AMBRA1: variants seen among roughly 807,000 people sequenced by gnomAD.
AMBRA1 encodes autophagy and beclin 1 regulator 1.
Under a neutral mutation model 125.4 loss-of-function variants are expected in AMBRA1, and 47 were observed. That is an observed-to-expected ratio of 0.37 (90% CI 0.30 to 0.48). The LOEUF (loss-of-function observed/expected upper bound fraction) is 0.48, where lower values mean the gene tolerates loss of function less well. AMBRA1 is among the 20% of genes least tolerant of loss of function. The pLI is 0.99. For synonymous variants in AMBRA1, 626 were observed against 655.5 expected, an observed-to-expected ratio of 0.95 and a Z score of 0.69; for missense variants, 1,331 against 1,693.4, an observed-to-expected ratio of 0.79 and a Z score of 3.76.
chr11:46,557,835 G>C (rs2043204165), intron 1 of AMBRA1, among the ~76,000 whole-genome samples: 1 of 152,120 alleles, frequency 6.6e-6, no homozygotes, highest in Admixed American at 6.5e-5. Flanking sequence ...AGCCCGGCAT[G>C]GTGATGCATG....
rs1414992911 is a variant in AMBRA1 at position 46,543,987 on chromosome 11, G to C, written c.606C>G (p.Pro202=). 6.2e-7 allele frequency: 1 copy of C among 1,613,730 alleles called. No individual in the cohort carries two copies. The highest frequency in any genetic ancestry group is 8.5e-7 in the Non-Finnish European group (1 of 1,179,818). ...GHYLLTAIVN[P]SNQQGDDEPE... The stretch of plus-strand genomic sequence containing the variant: ...TGGACTAACTTACCTGTTGATTAGA[G>C]GGGTTAACAATTGCTGTGAGTAAGT... The change falls in exon 6 of 18, where the codon CCC becomes CCG. Residue 202 remains proline, a synonymous_variant. Transcript: ENST00000683756.
intron 1 of AMBRA1, among the ~76,000 whole-genome samples, chr11:46,566,536 A>T (rs1214118240): frequency 6.6e-6 from 1 of 152,200 alleles, no homozygotes; most frequent in African/African-American, 2.4e-5. Context: ...CCATTTATAC[A>T]ACATTCTTAA....
rs185196222 is a variant in AMBRA1 at position 46,427,602 on chromosome 11, G to A, written c.2976+5872C>T. On this transcript the variant is annotated intron_variant, in intron 14 of 17. Transcript: ENST00000683756. ...TTTCTGACTCAGCAGATCTTAAGTG[G>A]GGCTGAGAATCTGCATTTCTAATAA... Among the ~76,000 whole-genome samples the A allele has an allele frequency of 1.5e-4, 23 of 152,318 alleles. No individual in the cohort carries two copies. The East Asian group carries it at 4.1e-3, about 27-fold the overall frequency.
intron 11 of AMBRA1, among the ~76,000 whole-genome samples, chr11:46,452,336 TTTGTTGTTG>T (rs759932665): frequency 3.9e-5 from 6 of 151,946 alleles, no homozygotes; most frequent in Non-Finnish European, 8.8e-5. Flanking sequence ...TTTAAGGTTT[TTTGTTGTTG>T]TTGTTGTTGT....
chr11:46,581,996 G>A (rs1041169540), intron 1 of AMBRA1, among the ~76,000 whole-genome samples: 8 of 151,174 alleles, frequency 5.3e-5, no homozygotes, highest in African/African-American at 7.3e-5. Context: ...GGTGCCTGTA[G>A]TCCCAGCTAC....
chr11:46,434,813 T>C, intron 13 of AMBRA1, 36 bp downstream of exon 13: 2 of 1,542,582 alleles, frequency 1.3e-6, no homozygotes, highest in Non-Finnish European at 1.7e-6. Flanking sequence ...GGCACCAGCG[T>C]CCCTCTGTCA....
At chr11:46,543,484 A>G in intron 6 of AMBRA1, 86 bp from the exon 7 acceptor site, 1 of 1,518,330 alleles carries the variant, frequency 6.6e-7, no homozygotes, top group South Asian at 1.2e-5. Flanking sequence ...CTAACCACTG[A>G]CAATCATCCA....
chr11:46,587,911 G>T (rs1468465851), intron 1 of AMBRA1, among the ~76,000 whole-genome samples: 1 of 151,940 alleles, frequency 6.6e-6, no homozygotes, highest in African/African-American at 2.4e-5. Context: ...ACGTCTGATG[G>T]GAATATTTCT....
At chr11:46,497,118 A>T (rs965219135) in intron 9 of AMBRA1, among the ~76,000 whole-genome samples, 3 of 151,910 alleles carry the variant, frequency 2.0e-5, no homozygotes, top group African/African-American at 4.8e-5. Context: ...CTCAAAAATA[A>T]ATAAATAAAT....
At chr11:46,412,627 A>G (rs558395470) in intron 15 of AMBRA1, among the ~76,000 whole-genome samples, 2 of 152,080 alleles carry the variant, frequency 1.3e-5, no homozygotes, top group South Asian at 2.1e-4. Flanking sequence ...TTTTTTCCCC[A>G]AAATGTTTTT....
At chr11:46,500,817 C>T (rs1295026761) in intron 9 of AMBRA1, among the ~76,000 whole-genome samples, 3 of 152,200 alleles carry the variant, frequency 2.0e-5, no homozygotes, top group Admixed American at 1.3e-4. Flanking sequence ...ATCCATGAAG[C>T]TTTCTCACCT....
In AMBRA1 at chr11:46,542,517, C is replaced by G; in HGVS notation, c.1500G>C (p.Gln500His). 1 of 1,613,470 alleles carries G rather than the reference C, an allele frequency of 6.2e-7. No homozygotes were observed. The highest frequency in any genetic ancestry group is 8.5e-7 in the Non-Finnish European group (1 of 1,180,046). ...NNSGSIRHEL[Q>H]CDLRRFFLEY... The stretch of plus-strand genomic sequence containing the variant: ...CCAGAAAGAAGCGTCTCAGGTCACA[C>G]TGAAGCTCATGGCGAATGCTGCCCG... The change falls in exon 7 of 18, where the codon CAG becomes CAC. Residue 500 changes from glutamine (Q) to histidine (H), a missense_variant. Coordinates refer to ENST00000683756, the MANE Select transcript of AMBRA1 (RefSeq NM_001387011.1). The surrounding 1 kb of genome is among the most constrained non-coding windows in gnomAD (Gnocchi z 5.9).
intron 1 of AMBRA1, among the ~76,000 whole-genome samples, chr11:46,573,421 A>C (rs12290779): frequency 0.075 from 11,401 of 151,946 alleles, 557 homozygotes; most frequent in African/African-American, 0.13. Context: ...CAAAACAAAA[A>C]AAAAAAAACT....
chr11:46,593,501 G>A (rs2044681013), intron 1 of AMBRA1, among the ~76,000 whole-genome samples: 3 of 152,170 alleles, frequency 2.0e-5, no homozygotes, highest in Admixed American at 6.5e-5. Context: ...GGGGTGGGGG[G>A]AAAAGGAGAA....
chr11:46,489,612 A>G (rs1259423773), intron 11 of AMBRA1, among the ~76,000 whole-genome samples: 1 of 152,192 alleles, frequency 6.6e-6, no homozygotes, highest in African/African-American at 2.4e-5. Flanking sequence ...AAAACAGTAA[A>G]TTAAGTATAT....
intron 1 of AMBRA1, among the ~76,000 whole-genome samples, chr11:46,582,327 A>C (rs1295853368): frequency 6.6e-6 from 1 of 152,110 alleles, no homozygotes; most frequent in Non-Finnish European, 1.5e-5. Flanking sequence ...CTGCTTAAGT[A>C]TCACTTCTTC....
intron 9 of AMBRA1, among the ~76,000 whole-genome samples, chr11:46,502,555 C>T (rs1472843099): frequency 1.3e-5 from 2 of 152,120 alleles, no homozygotes; most frequent in Non-Finnish European, 2.9e-5. Context: ...GTCACTGATT[C>T]CTACAGAAGT....
At chr11:46,508,076 A>G (rs1159012840) in intron 9 of AMBRA1, 115 bp downstream of exon 9, 4 of 1,101,656 alleles carry the variant, frequency 3.6e-6, no homozygotes, top group Non-Finnish European at 5.3e-6. Flanking sequence ...CTCATAAATA[A>G]TAATTGAGGA....
In AMBRA1 at chr11:46,593,970, C is replaced by A. The variant is rs2044698284; in HGVS notation, c.-263G>T. 1 of 398,668 alleles carries A rather than the reference C, an allele frequency of 2.5e-6. No individual in the cohort carries two copies. The highest frequency in any genetic ancestry group is 3.6e-5 in the East Asian group (1 of 28,078). 24.7% of individuals were successfully genotyped at this position (398,668 alleles called of 1,614,324 possible). A position where few individuals can be genotyped will look rare whatever the true frequency, so the allele number is the denominator to read the frequency against. On this transcript the variant is annotated 5_prime_UTR_variant, in exon 1 of 18. Coordinates refer to ENST00000683756, the MANE Select transcript of AMBRA1 (RefSeq NM_001387011.1). ...CGGCTTGAGCGCGGGGCCTCGCGGACAACTCAGCCCTCGACCCGGCGCCGC... is the reference window on the plus strand; with the variant it reads ...CGGCTTGAGCGCGGGGCCTCGCGGAAAACTCAGCCCTCGACCCGGCGCCGC...
Sources: gnomAD v4.1 joint callset for allele counts (sites outside exome capture counted in the v4.1 genomes callset) on GRCh38, gnomAD v4.1.1 for gene constraint, Gnocchi (gnomAD v3.1) non-coding constraint, MANE v1.5 for transcripts, NCBI Gene and HGNC (gene_info 2026-07-23, HGNC 2026-07-21) for gene names.